PDE1A: variants seen among roughly 807,000 people sequenced by gnomAD.
PDE1A encodes dual specificity calcium/calmodulin-dependent 3',5'-cyclic nucleotide phosphodiesterase 1A.
A neutral mutation model predicts 61.7 loss-of-function variants in PDE1A; 35 were observed. That is an observed-to-expected ratio of 0.57 (90% CI 0.43 to 0.75). The LOEUF (loss-of-function observed/expected upper bound fraction) is 0.75. Ranked by LOEUF, PDE1A falls within the 30% of genes least tolerant of loss-of-function variation. The probability of loss-of-function intolerance (pLI) is 0.00; values close to 1 mark genes in which losing one functional copy is unlikely to be tolerated. For synonymous variants in PDE1A, 232 were observed against 213.2 expected, an observed-to-expected ratio of 1.09 and a Z score of -0.77; for missense variants, 597 against 630.6, an observed-to-expected ratio of 0.95 and a Z score of 0.57.
intron 1 of PDE1A, among the ~76,000 whole-genome samples, chr2:182,413,720 TATC>T (rs1490129784): frequency 3.3e-5 from 5 of 152,220 alleles, no homozygotes; most frequent in African/African-American, 1.2e-4. Context: ...AAACACTAAA[TATC>T]ATATCTTTGC....
chr2:182,249,279 G>C (rs1353221912), intron 2 of PDE1A, among the ~76,000 whole-genome samples: 1 of 152,218 alleles, frequency 6.6e-6, no homozygotes, highest in Non-Finnish European at 1.5e-5. Flanking sequence ...GTAAGATGTA[G>C]GAGACAGGCT....
chr2:182,155,550 T>C (rs940714154), intron 13 of PDE1A, among the ~76,000 whole-genome samples: 2 of 152,336 alleles, frequency 1.3e-5, no homozygotes, highest in East Asian at 1.9e-4. Context: ...GAAATTGATA[T>C]GGTTTGGCTG....
At chr2:182,430,976 G>T, upstream of PDE1A, among the ~76,000 whole-genome samples, 1 of 120,476 alleles carries the variant, frequency 8.3e-6, no homozygotes, top group Non-Finnish European at 1.7e-5. Context: ...GGAGGGGGGA[G>T]GGATAGCATT....
At chr2:182,147,280 A>G (rs920145201) in intron 13 of PDE1A, 128 bp from the exon 14 acceptor site, 13 of 531,020 alleles carry the variant, frequency 2.4e-5, no homozygotes, top group Non-Finnish European at 3.3e-5. Context: ...TTTGTGGCAC[A>G]TTTTTTCAAA....
chr2:182,494,050 T>A (rs1207728575), intron 2 of PDE1A, among the ~76,000 whole-genome samples: 3 of 152,252 alleles, frequency 2.0e-5, no homozygotes, highest in African/African-American at 7.2e-5. Context: ...ATTTGGTGGC[T>A]TTGTTAAGTC....
At chr2:182,598,930 CAGGGAA>C in the PDE1A span, among the ~76,000 whole-genome samples, 48 of 152,162 alleles carry the variant, frequency 3.2e-4, no homozygotes, top group African/African-American at 1.1e-3. Flanking sequence ...TGGACTTCTG[CAGGGAA>C]TTACTCATGG....
At chr2:182,242,413 G>A (rs2128046) in intron 2 of PDE1A, among the ~76,000 whole-genome samples, 108,362 of 152,024 alleles carry the variant, frequency 0.71, 39,080 homozygotes, top group African/African-American at 0.83. Flanking sequence ...AATAAAGGAC[G>A]ACAGTGTGTT....
chr2:182,378,020 G>A (rs1364142785), intron 1 of PDE1A, among the ~76,000 whole-genome samples: 1 of 151,952 alleles, frequency 6.6e-6, no homozygotes, highest in Non-Finnish European at 1.5e-5. Flanking sequence ...CTAATTTTTT[G>A]TATTTTTAGT....
intron 1 of PDE1A, among the ~76,000 whole-genome samples, chr2:182,310,034 C>A (rs1695862723): frequency 6.6e-6 from 1 of 151,976 alleles, no homozygotes; most frequent in Non-Finnish European, 1.5e-5. Context: ...GTAATTGAGG[C>A]AAGACACAAG....
intron 2 of PDE1A, among the ~76,000 whole-genome samples, chr2:182,446,787 C>T (rs1022763339): frequency 6.6e-6 from 1 of 151,974 alleles, no homozygotes; most frequent in Admixed American, 6.6e-5. Flanking sequence ...TCTGGAATGG[C>T]CTGCTTTGAT....
intron 2 of PDE1A, among the ~76,000 whole-genome samples, chr2:182,478,911 A>C (rs1248563520): frequency 1.3e-5 from 2 of 151,880 alleles, no homozygotes; most frequent in Non-Finnish European, 2.9e-5. Context: ...GGGTGACTTG[A>C]CTATAACAAC....
chr2:182,517,233 T>C (rs555779066), intron 2 of PDE1A, among the ~76,000 whole-genome samples: 79 of 152,362 alleles, frequency 5.2e-4, no homozygotes, highest in African/African-American at 1.4e-3. Context: ...AAGAGACTTA[T>C]GTTTTTAAGA....
intron 7 of PDE1A, among the ~76,000 whole-genome samples, chr2:182,212,475 C>CG (rs1553538346): frequency 6.6e-6 from 1 of 152,148 alleles, no homozygotes; most frequent in African/African-American, 2.4e-5. Context: ...ACGCAGAAGA[C>CG]GGTGATTTCT....
Position 182,187,743 on chromosome 2 carries a change from T to A in PDE1A, c.1208-1155A>T, listed in dbSNP as rs1308862407. 2.4e-5 allele frequency among the ~76,000 whole-genome samples: 3 copies of A among 126,526 alleles called. No homozygotes were observed. The East Asian group carries it at 6.5e-4, about 28-fold the overall frequency. The allele number at this position is 126,526 out of a possible 152,430, so 83.0% of individuals were successfully genotyped here. ...TCTATGTTCTTTTTTTGTTCTTTTT[T>A]TTTTTTTTTTTTTTTTTTTGAGATG... On this transcript the variant is annotated intron_variant, in intron 11 of 13. Transcript: ENST00000351439.
At chr2:182,182,279 TC>T (rs557046511) in intron 13 of PDE1A, among the ~76,000 whole-genome samples, 62 of 152,324 alleles carry the variant, frequency 4.1e-4, no homozygotes, top group African/African-American at 1.4e-3. Flanking sequence ...TCACTTTGTT[TC>T]CTACATCTAA....
At chr2:182,379,000 A>G (rs553108572) in intron 1 of PDE1A, among the ~76,000 whole-genome samples, 63 of 152,340 alleles carry the variant, frequency 4.1e-4, no homozygotes, top group African/African-American at 1.5e-3. Context: ...ACATGAAACA[A>G]GTTGAATTTT....
chr2:182,167,663 T>A (rs923791027), downstream of PDE1A, among the ~76,000 whole-genome samples: 1 of 152,192 alleles, frequency 6.6e-6, no homozygotes, highest in Admixed American at 6.5e-5. Context: ...TCTTCCCAAT[T>A]TGCAAACTGA....
At chr2:182,534,783 T>C in the PDE1A span, among the ~76,000 whole-genome samples, 18 of 152,070 alleles carry the variant, frequency 1.2e-4, no homozygotes, top group Middle Eastern at 3.4e-3. Flanking sequence ...CACCTAACTT[T>C]TTATGTAGTT....
chr2:182,685,547 T>C, the PDE1A span, among the ~76,000 whole-genome samples: 1 of 152,186 alleles, frequency 6.6e-6, no homozygotes, highest in Non-Finnish European at 1.5e-5. Flanking sequence ...CTCTCTAAAA[T>C]TCAGTCTACT....
Sources: gnomAD v4.1 joint callset for allele counts (sites outside exome capture counted in the v4.1 genomes callset) on GRCh38, gnomAD v4.1.1 for gene constraint, MANE v1.5 for transcripts, NCBI Gene and HGNC (gene_info 2026-07-23, HGNC 2026-07-21) for gene names.